GOLGA6L2: variants seen among roughly 807,000 people sequenced by gnomAD.
GOLGA6L2 encodes the protein golgin A6 family like 2, also known as golgin subfamily A member 6-like protein 2.
A neutral mutation model predicts 35.9 loss-of-function variants in GOLGA6L2; 30 were observed. The observed-to-expected ratio is 0.83, with a 90% CI of 0.62 to 1.13. The LOEUF (loss-of-function observed/expected upper bound fraction) is 1.13. Ranked by LOEUF, GOLGA6L2 falls within the 50% of genes most tolerant of loss-of-function variation. The pLI is 0.00. For synonymous variants in GOLGA6L2, 297 were observed against 344.0 expected (o/e 0.86, Z 1.51); for missense variants, 821 against 973.4 (o/e 0.84, Z 2.08).
At chr15:23,443,468 G>C (rs1307670161) in intron 5 of GOLGA6L2, among the ~76,000 whole-genome samples, 1 of 152,042 alleles carries the variant, frequency 6.6e-6, no homozygotes, top group Non-Finnish European at 1.5e-5. Flanking sequence ...ATACTCTTCT[G>C]TACCTTCATG....
chr15:23,447,210 C>G lies in GOLGA6L2; in HGVS notation c.-29G>C, dbSNP rs771216931. On this transcript the variant is annotated 5_prime_UTR_variant, in exon 1 of 8. Coordinates refer to ENST00000567107, the MANE Select transcript of GOLGA6L2 (RefSeq NM_001304388.2). ...CGTGATTCAGACGAGGACAAGGATACACCTCCAGTCACGTACCACGCAGCT... is the reference window on the plus strand; with the variant it reads ...CGTGATTCAGACGAGGACAAGGATAGACCTCCAGTCACGTACCACGCAGCT... 7.2e-6 allele frequency: 9 copies of G among 1,244,014 alleles called. No homozygotes were observed. In the South Asian group the frequency reaches 1.1e-4, roughly 15 times the overall value. The allele number at this position is 1,244,014 out of a possible 1,614,324, so 77.1% of individuals were successfully genotyped here. A position where few individuals can be genotyped will look rare whatever the true frequency, so the allele number is the denominator to read the frequency against.
intron 2 of GOLGA6L2, among the ~76,000 whole-genome samples, chr15:23,445,017 C>T (rs1886749095): frequency 7.3e-6 from 1 of 137,842 alleles, no homozygotes; most frequent in Non-Finnish European, 1.6e-5. Context: ...GGGGAGCTTA[C>T]AGCAGGCCCT....
Position 23,441,070 on chromosome 15 carries a change from G to T in GOLGA6L2, c.1405C>A (p.Gln469Lys). 7.5e-7 allele frequency: 1 copy of T among 1,333,970 alleles called. No homozygotes were observed. The highest frequency in any genetic ancestry group is 1.0e-6 in the Non-Finnish European group (1 of 981,656). 82.6% of individuals were successfully genotyped at this position (1,333,970 alleles called of 1,614,324 possible). Residue 469 changes from glutamine (Q) to lysine (K), a missense_variant, in exon 8 of 8, where the codon CAG (glutamine) becomes AAG (lysine). Gln to Lys is a moderately conservative substitution (Grantham distance 53). This residue lies in a region of GOLGA6L2 where 614 missense variants were observed against 632.3 expected (regional missense o/e 0.97). Coordinates refer to ENST00000567107, the MANE Select transcript of GOLGA6L2 (RefSeq NM_001304388.2). The stretch of plus-strand genomic sequence containing the variant: ...TCCTGCTTCTGCATCTTCTCCTCCT[G>T]CTCCCGCATCGTCTCCTCCTCTTCC... ...MREEEETMRE[Q>K]EEKMQKQEEN...
intron 2 of GOLGA6L2, among the ~76,000 whole-genome samples, chr15:23,444,944 A>G (rs1288187190): frequency 6.9e-6 from 1 of 145,068 alleles, no homozygotes; most frequent in African/African-American, 2.5e-5. Context: ...TCAGACTCTC[A>G]GAGCAAACAG....
chr15:23,443,905 C>G lies in GOLGA6L2; in HGVS notation c.463G>C (p.Val155Leu). 6.5e-7 allele frequency: 1 copy of G among 1,545,528 alleles called. No homozygotes were observed. The highest frequency in any genetic ancestry group is 8.7e-7 in the Non-Finnish European group (1 of 1,151,986). ...TCTCCTGGAATGAGAGAGGTTGAGA[C>G]ACAGCCCAAAGGACTCCCCCTAAAG... Reference protein sequence around the residue: ...QAFRGSPLGCVSTSLIPGESK... With the variant: ...QAFRGSPLGCLSTSLIPGESK... Residue 155 changes from valine to leucine, a missense_variant, in exon 5 of 8, where the codon GTC becomes CTC. This residue lies in a region of GOLGA6L2 where 614 missense variants were observed against 632.3 expected (regional missense o/e 0.97). Transcript: ENST00000567107.
At chr15:23,444,261 AC>A in intron 3 of GOLGA6L2, 49 bp from the exon 4 acceptor site, 1 of 1,577,446 alleles carries the variant, frequency 6.3e-7, no homozygotes, top group African/African-American at 1.3e-5. Context: ...GCAGAGATCC[AC>A]AGCAAGAGAC....
In GOLGA6L2 at chr15:23,442,170, T is replaced by C. The variant is rs146199097; in HGVS notation, c.651-50A>G. On this transcript the variant is annotated intron_variant, in intron 6 of 7. Transcript: ENST00000567107. ...GGAATGAACGAAGAACAGAAAGGAC[T>C]GCTTTGGTGATCAACCCTCTACTCT... The C allele has an allele frequency of 6.3e-4, 979 of 1,551,858 alleles. 3 individuals carry two copies. In the African/African-American group the frequency reaches 0.011, roughly 17 times the overall value.
In GOLGA6L2 at chr15:23,440,991, T is replaced by G. The variant is rs1200249004; in HGVS notation, c.1484A>C (p.Glu495Ala). Residue 495 changes from glutamate to alanine, a missense_variant, in exon 8 of 8, where the codon GAA (glutamate) becomes GCA (alanine). Around this residue, in one of 7 missense-constraint regions of GOLGA6L2, gnomAD observed 614 missense variants for 632.3 expected, o/e 0.97. Coordinates refer to ENST00000567107, the MANE Select transcript of GOLGA6L2 (RefSeq NM_001304388.2). Reference sequence around the variant, plus strand: ...CTGTTCCCACAGCTTCTCCTTCTGTTCCGGCAGCCTCTGCTGCTGCCACTC... The same window carrying G: ...CTGTTCCCACAGCTTCTCCTTCTGTGCCGGCAGCCTCTGCTGCTGCCACTC... Reference protein sequence around the residue: ...EKEWQQQRLPEQKEKLWEQEK... With the variant: ...EKEWQQQRLPAQKEKLWEQEK... 6.5e-7 allele frequency: 1 copy of G among 1,530,720 alleles called. No individual in the cohort carries two copies. Among genetic ancestry groups the G allele is most frequent in the Non-Finnish European group, 8.8e-7 (1 of 1,139,048 alleles). The allele number at this position is 1,530,720 out of a possible 1,614,324, so 94.8% of individuals were successfully genotyped here. A position where few individuals can be genotyped will look rare whatever the true frequency, so the allele number is the denominator to read the frequency against.
chr15:23,442,343 G>C, intron 6 of GOLGA6L2, 107 bp downstream of exon 6: 8 of 1,337,000 alleles, frequency 6.0e-6, no homozygotes, highest in Non-Finnish European at 8.3e-6. Context: ...GTGCACACAT[G>C]TAAACCTGTA....
chr15:23,444,535 G>T (rs772611528), intron 2 of GOLGA6L2, 35 bp from the exon 3 acceptor site: 4 of 1,595,698 alleles, frequency 2.5e-6, no homozygotes, highest in South Asian at 1.1e-5. Flanking sequence ...GACTGAGGGT[G>T]GCCCCCTGGA....
chr15:23,442,532 C>T (rs2070706819), intron 5 of GOLGA6L2, 24 bp from the exon 6 acceptor site: 6 of 1,576,288 alleles, frequency 3.8e-6, no homozygotes, highest in Non-Finnish European at 4.3e-6. Flanking sequence ...AAGGTTAAGT[C>T]AGGACAGAGC....
At position 23,440,719 on chromosome 15, in the gene GOLGA6L2, C is replaced by G. The variant is rs2070661102; in HGVS notation, c.1756G>C (p.Ala586Pro). 1 of 1,506,036 alleles carries G rather than the reference C, an allele frequency of 6.6e-7. No homozygotes were observed. Among genetic ancestry groups the G allele is most frequent in the East Asian group, 2.6e-5 (1 of 39,176 alleles). The allele number at this position is 1,506,036 out of a possible 1,614,324, so 93.3% of individuals were successfully genotyped here. The change falls in exon 8 of 8, where the codon GCT becomes CCT. Residue 586 changes from alanine to proline, a missense_variant. By Grantham distance (27) the Ala-to-Pro change is conservative. This residue lies in a region of GOLGA6L2 where 99 missense variants were observed against 199.9 expected (regional missense o/e 0.50). Transcript: ENST00000567107. ...GGEDVGAGRE[A>P]AGEGGENAGA... ...GCATTCTCTCCTCCTTCTCCCGCAG[C>G]CTCTCGTCCTGCTCCCACATCCTCT...
At chr15:23,442,574 A>C in intron 5 of GOLGA6L2, 66 bp from the exon 6 acceptor site, 1 of 1,420,002 alleles carries the variant, frequency 7.0e-7, no homozygotes, top group Non-Finnish European at 9.6e-7. Context: ...ACCAGGAACA[A>C]CAGCTACACT....
In GOLGA6L2 at chr15:23,439,701, C is replaced by G; in HGVS notation, c.*44G>C. ...GGGTTGTCCTGCGGAGAACCCTCCC[C>G]AGCCTCTCCTCCTGCAGGCTCCACA... On this transcript the variant is annotated 3_prime_UTR_variant, in exon 8 of 8. Coordinates refer to ENST00000567107, the MANE Select transcript of GOLGA6L2 (RefSeq NM_001304388.2). 6.5e-7 allele frequency: 1 copy of G among 1,537,524 alleles called. No homozygotes were observed. Among genetic ancestry groups the G allele is most frequent in the Non-Finnish European group, 8.7e-7 (1 of 1,147,222 alleles).
Position 23,441,560 on chromosome 15 carries a change from CT to C in GOLGA6L2, c.914del (p.Gln305ArgfsTer673), listed in dbSNP as rs1199344371. ...CCTCCTGCTCCCGCATCTTCCCCTCCTGCTCCCGCAGTCTCTCCTCCTGTCT... is the reference window on the plus strand; with the variant it reads ...CCTCCTGCTCCCGCATCTTCCCCTCCGCTCCCGCAGTCTCTCCTCCTGTCT... Reference protein sequence around the residue: ...MWRQEERLREQEGKMREQEEK... With the variant: ...MWRQEERLREXEGKMREQEEK... On this transcript the variant is annotated frameshift_variant, in exon 8 of 8. Coordinates refer to ENST00000567107, the MANE Select transcript of GOLGA6L2 (RefSeq NM_001304388.2). LOFTEE classifies it low-confidence loss of function (END_TRUNC). The C allele has an allele frequency of 5.7e-5, 84 of 1,482,118 alleles. No homozygotes were observed. The highest frequency in any genetic ancestry group is 7.2e-5 in the Non-Finnish European group (79 of 1,099,792). The allele number at this position is 1,482,118 out of a possible 1,614,324, so 91.8% of individuals were successfully genotyped here.
intron 3 of GOLGA6L2, 59 bp downstream of exon 3, chr15:23,444,412 C>G: frequency 2.6e-6 from 4 of 1,564,742 alleles, no homozygotes; most frequent in Admixed American, 1.7e-5. Flanking sequence ...AGACGGGCCT[C>G]TACATCTGAG....
rs1484098107 is a variant in GOLGA6L2 at position 23,441,305 on chromosome 15, CTG to C, written c.1168_1169del (p.Gln390GlufsTer256). On this transcript the variant is annotated frameshift_variant, in exon 8 of 8. Coordinates refer to ENST00000567107, the MANE Select transcript of GOLGA6L2 (RefSeq NM_001304388.2). LOFTEE classifies it low-confidence loss of function (END_TRUNC). ...TCCTCTCCTCTTGGTCCCGCATCTTCTGCTCCTGCTCCCGCATCTGCTTCTCC... is the reference window on the plus strand; with the variant it reads ...TCCTCTCCTCTTGGTCCCGCATCTTCCTCCTGCTCCCGCATCTGCTTCTCC... ...EQEKQMREQE[Q>X]KMRDQEERMW... is the part of the protein sequence containing the mutation. 1.2e-5 allele frequency: 19 copies of C among 1,532,292 alleles called. No individual in the cohort carries two copies. Among genetic ancestry groups the C allele is most frequent in the Non-Finnish European group, 1.7e-5 (19 of 1,145,444 alleles). 94.9% of individuals were successfully genotyped at this position (1,532,292 alleles called of 1,614,324 possible). A position where few individuals can be genotyped will look rare whatever the true frequency, so the allele number is the denominator to read the frequency against.
At chr15:23,446,397 C>G (rs1261589448) in intron 1 of GOLGA6L2, among the ~76,000 whole-genome samples, 1 of 152,176 alleles carries the variant, frequency 6.6e-6, no homozygotes, top group Non-Finnish European at 1.5e-5. Flanking sequence ...GGTCCCTACT[C>G]CCCTTCCAGC....
At chr15:23,444,430 C>A (rs752898626) in intron 3 of GOLGA6L2, 41 bp downstream of exon 3, 9 of 1,598,466 alleles carry the variant, frequency 5.6e-6, no homozygotes, top group Non-Finnish European at 7.6e-6. Flanking sequence ...GAGTGCCCTC[C>A]AAACCCAGCA....
Sources: allele counts gnomAD v4.1 joint callset (sites outside exome capture counted in the v4.1 genomes callset), GRCh38; gene constraint gnomAD v4.1.1; regional missense constraint gnomAD v4.1.1; transcripts MANE v1.5; gene names NCBI Gene and HGNC (gene_info 2026-07-23, HGNC 2026-07-21).